PTPN6: variants seen among roughly 807,000 people sequenced by gnomAD.
The protein encoded by PTPN6 is protein tyrosine phosphatase non-receptor type 6, also known as tyrosine-protein phosphatase non-receptor type 6.
In PTPN6, 18 loss-of-function variants were observed where a neutral mutation model predicts 81.5. The observed-to-expected ratio is 0.22, with a 90% CI of 0.15 to 0.33. The LOEUF (loss-of-function observed/expected upper bound fraction) is 0.33, where lower values mean the gene tolerates loss of function less well. Among genes scored for constraint, PTPN6 ranks in the 10% least tolerant of loss-of-function variants. PTPN6 has a pLI of 1.00. For missense variants in PTPN6, 500 were observed against 794.2 expected (o/e 0.63, Z 4.45); for synonymous variants, 301 against 310.9 (o/e 0.97, Z 0.33).
rs747104785 is a variant in PTPN6, at chr12:6,960,625, A to C, written c.1674-181A>C. 5.3e-6 allele frequency: 8 copies of C among 1,516,672 alleles called. No individual in the cohort carries two copies. Among genetic ancestry groups the C allele is most frequent in the Non-Finnish European group, 7.2e-6 (8 of 1,116,074 alleles). 94.0% of individuals were successfully genotyped at this position (1,516,672 alleles called of 1,614,324 possible). A position where few individuals can be genotyped will look rare whatever the true frequency, so the allele number is the denominator to read the frequency against. On this transcript the variant is annotated intron_variant, in intron 14 of 15. Transcript: ENST00000318974. This position sits in a 1 kb window ranked among gnomAD's most constrained non-coding sequence, Gnocchi z 6.1. ...GTGTGGGCCTCTGCTAGGTACCAGC[A>C]GCGCACTCGTGTATGAGATGTAGCC...
rs782489433 is a variant in PTPN6 at position 6,957,900 on chromosome 12, C to T, written c.1207-19C>T. ...GTTCCGAGAGAGGAGGGGGCACTGA[C>T]CCTATGTCCTCGGCTTAGGGAGACC... is the stretch of plus-strand genomic sequence containing the variant. On this transcript the variant is annotated intron_variant, in intron 10 of 15. Transcript: ENST00000318974. The surrounding 1 kb of genome is among the most constrained non-coding windows in gnomAD (Gnocchi z 6.5). 1.2e-6 allele frequency: 2 copies of T among 1,614,004 alleles called. No individual in the cohort carries two copies. The highest frequency in any genetic ancestry group is 1.3e-5 in the African/African-American group (1 of 75,024).
At chr12:6,953,918 C>T (rs963629069) in intron 3 of PTPN6, among the ~76,000 whole-genome samples, 3 of 152,126 alleles carry the variant, frequency 2.0e-5, no homozygotes, top group Admixed American at 1.3e-4. Context: ...ATTTGCCCGC[C>T]CTCCCCTCGT....
In PTPN6 at chr12:6,951,967, G is replaced by C. The variant is rs373177287; in HGVS notation, c.132-16G>C. The C allele has an allele frequency of 6.2e-7, 1 of 1,613,072 alleles. No individual in the cohort carries two copies. Among genetic ancestry groups the C allele is most frequent in the East Asian group, 2.2e-5 (1 of 44,832 alleles). ...TACTCCTGCACCGACTGGCCTCACC[G>C]CCTGGTGCCCTGCAGGGTGGGGGAT... On this transcript the variant is annotated splice_polypyrimidine_tract_variant and intron_variant, in intron 2 of 15. Coordinates refer to ENST00000318974, the MANE Select transcript of PTPN6 (RefSeq NM_002831.6). The surrounding 1 kb of genome is among the most constrained non-coding windows in gnomAD (Gnocchi z 7.2).
chr12:6,946,727 T>A (rs1555146841), upstream of PTPN6: 1 of 1,612,420 alleles, frequency 6.2e-7, no homozygotes, highest in Middle Eastern at 1.7e-4. Context: ...TACAGAGAGA[T>A]GCTGTCCCGT....
At position 6,952,039 on chromosome 12, in the gene PTPN6, T is replaced by A; in HGVS notation, c.188T>A (p.Leu63Gln). ...RIQNSGDFYD[L>Q]YGGEKFATLT... ...CAGAACTCAGGGGATTTCTATGACCTGTATGGAGGGGAGAAGTTTGCGACT... is the reference window on the plus strand; with the variant it reads ...CAGAACTCAGGGGATTTCTATGACCAGTATGGAGGGGAGAAGTTTGCGACT... The change falls in exon 3 of 16, where the codon CTG becomes CAG. Residue 63 changes from leucine to glutamine, a missense_variant. By Grantham distance (113) the Leu-to-Gln change is moderately radical. Around this residue, in one of 6 missense-constraint regions of PTPN6, gnomAD observed 98 missense variants for 199.2 expected, o/e 0.49. Coordinates refer to ENST00000318974, the MANE Select transcript of PTPN6 (RefSeq NM_002831.6). The surrounding 1 kb of genome is among the most constrained non-coding windows in gnomAD (Gnocchi z 8.1). 1 of 1,614,132 alleles carries A rather than the reference T, an allele frequency of 6.2e-7. No homozygotes were observed. Among genetic ancestry groups the A allele is most frequent in the Non-Finnish European group, 8.5e-7 (1 of 1,180,016 alleles).
chr12:6,947,222 C>A (rs80113116), upstream of PTPN6, among the ~76,000 whole-genome samples: 391 of 152,290 alleles, frequency 2.6e-3, 1 homozygote, highest in Non-Finnish European at 4.0e-3. Context: ...CTATTATGCA[C>A]CAGGTGCTGT....
In PTPN6 at chr12:6,955,158, G is replaced by A. The variant is rs1281119726; in HGVS notation, c.524G>A (p.Arg175His). The part of the protein sequence containing the change: ...THIKVMCEGG[R>H]YTVGGLETFD... ...TAATTTGGCTCCCCCCAGGGTGGAC[G>A]CTACACAGTGGGTGGTTTGGAGACC... Residue 175 changes from arginine (R) to histidine (H), a missense_variant, in exon 5 of 16, where the codon CGC (arginine) becomes CAC (histidine). Physicochemically the swap from Arg to His is conservative, Grantham distance 29. This residue lies in a region of PTPN6 where 96 missense variants were observed against 137.3 expected (regional missense o/e 0.70). Coordinates refer to ENST00000318974, the MANE Select transcript of PTPN6 (RefSeq NM_002831.6). The surrounding 1 kb of genome is among the most constrained non-coding windows in gnomAD (Gnocchi z 7.2). The A allele has an allele frequency of 1.2e-6, 2 of 1,614,020 alleles. No homozygotes were observed. Among genetic ancestry groups the A allele is most frequent in the Admixed American group, 1.7e-5 (1 of 60,012 alleles).
upstream of PTPN6, chr12:6,951,113 C>T: frequency 1.5e-6 from 1 of 668,386 alleles, no homozygotes; most frequent in South Asian, 2.9e-5. This position sits in a 1 kb window ranked among gnomAD's most constrained non-coding sequence, Gnocchi z 7.2. Context: ...GAAGTATTAT[C>T]TGGGCCTGGA....
In PTPN6 at chr12:6,957,631, C is replaced by T; in HGVS notation, c.1075-23C>T. On this transcript the variant is annotated intron_variant, in intron 9 of 15. Transcript: ENST00000318974. The surrounding 1 kb of genome is among the most constrained non-coding windows in gnomAD (Gnocchi z 6.5). ...ACAGTGCCCTGCTCTGTGCCTCATC[C>T]CCACCCGACCCTCCCTTTCCAGAAC... 2.8e-6 allele frequency: 4 copies of T among 1,452,016 alleles called. No individual in the cohort carries two copies. Among genetic ancestry groups the T allele is most frequent in the Non-Finnish European group, 3.8e-6 (4 of 1,041,342 alleles). The allele number at this position is 1,452,016 out of a possible 1,614,324, so 89.9% of individuals were successfully genotyped here.
chr12:6,946,748 C>G, upstream of PTPN6: 1 of 1,610,440 alleles, frequency 6.2e-7, no homozygotes, highest in Non-Finnish European at 8.5e-7. Context: ...GGGTAAGTCC[C>G]GGGCACCATC....
chr12:6,958,786 G>T (rs1184183222), intron 11 of PTPN6, among the ~76,000 whole-genome samples: 1 of 152,198 alleles, frequency 6.6e-6, no homozygotes, highest in Non-Finnish European at 1.5e-5. Context: ...GTGGGTGCAG[G>T]GCCCCTCCGC....
At position 6,954,103 on chromosome 12, in the gene PTPN6, C is replaced by T. The variant is rs1334963503; in HGVS notation, c.327-702C>T. Reference sequence around the variant, plus strand: ...TTAGTTCTGCTTTCTGCCCTGACAGCCCCTTCAAATCCGTTTGAACCCTGG... The same window carrying T: ...TTAGTTCTGCTTTCTGCCCTGACAGTCCCTTCAAATCCGTTTGAACCCTGG... On this transcript the variant is annotated intron_variant, in intron 3 of 15. Transcript: ENST00000318974. The surrounding 1 kb of genome is among the most constrained non-coding windows in gnomAD (Gnocchi z 5.4). Among the ~76,000 whole-genome samples the T allele has an allele frequency of 6.6e-6, 1 of 152,150 alleles. No homozygotes were observed. Among genetic ancestry groups the T allele is most frequent in the African/African-American group, 2.4e-5 (1 of 41,418 alleles).
upstream of PTPN6, chr12:6,946,881 C>A: frequency 1.1e-6 from 1 of 922,024 alleles, no homozygotes; most frequent in Non-Finnish European, 1.7e-6. Flanking sequence ...CTATGAACTT[C>A]CCCTTCCCGC....
rs782526435 is a variant in PTPN6 at position 6,956,406 on chromosome 12, C to T, written c.925-13C>T. 2.0e-5 allele frequency: 32 copies of T among 1,614,014 alleles called. No homozygotes were observed. The highest frequency in any genetic ancestry group is 1.6e-4 in the South Asian group (15 of 91,090). ...CACTGTCTTGGGGTGCGTCTCTCCA[C>T]GCTTGCGTCCAGAACCAGCTGCTAG... is the stretch of plus-strand genomic sequence containing the variant. On this transcript the variant is annotated splice_polypyrimidine_tract_variant and intron_variant, in intron 8 of 15. Transcript: ENST00000318974. The surrounding 1 kb of genome is among the most constrained non-coding windows in gnomAD (Gnocchi z 4.1).
At position 6,959,143 on chromosome 12, in the gene PTPN6, G is replaced by A. The variant is rs1168080075; in HGVS notation, c.1362-784G>A. On this transcript the variant is annotated intron_variant, in intron 11 of 15. Coordinates refer to ENST00000318974, the MANE Select transcript of PTPN6 (RefSeq NM_002831.6). This position sits in a 1 kb window ranked among gnomAD's most constrained non-coding sequence, Gnocchi z 6.6. ...AGGTGCCCCCGATGGGCTGTCCGGG[G>A]ACGCGGCTCTGTCCTGTGCTCTCTC... Among the ~76,000 whole-genome samples the A allele has an allele frequency of 6.6e-6, 1 of 152,218 alleles. No homozygotes were observed. Among genetic ancestry groups the A allele is most frequent in the Non-Finnish European group, 1.5e-5 (1 of 68,046 alleles).
In PTPN6 at chr12:6,960,464, C is replaced by T. The variant is rs781910742; in HGVS notation, c.1673+29C>T. 5.6e-6 allele frequency: 9 copies of T among 1,598,018 alleles called. No homozygotes were observed. Among genetic ancestry groups the T allele is most frequent in the Admixed American group, 1.7e-5 (1 of 59,884 alleles). On this transcript the variant is annotated intron_variant, in intron 14 of 15. Coordinates refer to ENST00000318974, the MANE Select transcript of PTPN6 (RefSeq NM_002831.6). This position sits in a 1 kb window ranked among gnomAD's most constrained non-coding sequence, Gnocchi z 6.1. ...AGTGGCCCTGACTGCCACTGCCCGG[C>T]ATCCACCCCTTTGTCCTGCCCAGCC...
At chr12:6,949,172 G>T (rs1275914073), upstream of PTPN6, among the ~76,000 whole-genome samples, 3 of 152,140 alleles carry the variant, frequency 2.0e-5, no homozygotes, top group Non-Finnish European at 4.4e-5. Flanking sequence ...AGCTTGGCCA[G>T]GCCTCCCCTG....
Position 6,955,954 on chromosome 12 carries a change from C to T in PTPN6, c.845-188C>T, listed in dbSNP as rs1555148583. On this transcript the variant is annotated intron_variant, in intron 7 of 15. Transcript: ENST00000318974. The surrounding 1 kb of genome is among the most constrained non-coding windows in gnomAD (Gnocchi z 7.2). ...ACCAGCAGGCAGGTTGCCCCCTGCT[C>T]CCAACCTCCTTGTGAACTCCCTCAC... 1.3e-5 allele frequency among the ~76,000 whole-genome samples: 2 copies of T among 151,944 alleles called. No individual in the cohort carries two copies. The highest frequency in any genetic ancestry group is 2.4e-5 in the African/African-American group (1 of 41,342).
chr12:6,960,995 G>A lies in PTPN6; in HGVS notation c.*25+50G>A. 1.3e-6 allele frequency: 2 copies of A among 1,548,588 alleles called. No homozygotes were observed. The highest frequency in any genetic ancestry group is 1.7e-6 in the Non-Finnish European group (2 of 1,146,474). ...CTCCCTGCCCTGCCCTGTGTCCTTGGCTCCACTGCCTTCCCTGGGTGGATG... is the reference window on the plus strand; with the variant it reads ...CTCCCTGCCCTGCCCTGTGTCCTTGACTCCACTGCCTTCCCTGGGTGGATG... On this transcript the variant is annotated intron_variant, in intron 15 of 15. Transcript: ENST00000318974. This position sits in a 1 kb window ranked among gnomAD's most constrained non-coding sequence, Gnocchi z 6.1.
Sources: allele counts gnomAD v4.1 joint callset (sites outside exome capture counted in the v4.1 genomes callset), GRCh38; gene constraint gnomAD v4.1.1; regional missense constraint gnomAD v4.1.1; non-coding constraint Gnocchi (gnomAD v3.1); transcripts MANE v1.5; gene names NCBI Gene and HGNC (gene_info 2026-07-23, HGNC 2026-07-21).